Variants in MEAK7 observed in about 807,000 individuals in gnomAD.
MEAK7 encodes the protein MTOR-associated protein MEAK7.
In MEAK7, 68 loss-of-function variants were observed where a neutral mutation model predicts 40.5. The observed-to-expected ratio is 1.68, with a 90% CI of 1.38 to 2.06. MEAK7 has a LOEUF of 2.06. Ranked by LOEUF, MEAK7 falls within the 30% of genes most tolerant of loss-of-function variation. The pLI, the probability that MEAK7 is intolerant of heterozygous loss-of-function variation, is 0.00. For missense variants in MEAK7, 918 were observed against 580.5 expected (o/e 1.58, Z -5.98); for synonymous variants, 338 against 231.9 (o/e 1.46, Z -4.16).
At chr16:84,503,914 C>T (rs1395124189) in intron 1 of MEAK7, 2 of 984,724 alleles carry the variant, frequency 2.0e-6, no homozygotes, top group Admixed American at 1.2e-4. Context: ...CTCTCTACTC[C>T]AAGGGCCCCG....
chr16:84,498,870 T>G (rs1914271199), intron 1 of MEAK7, among the ~76,000 whole-genome samples: 1 of 152,210 alleles, frequency 6.6e-6, no homozygotes, highest in Non-Finnish European at 1.5e-5. Context: ...GGGAAGTTTT[T>G]CCTTTGTGAT....
At chr16:84,483,353 G>C (rs1454799238) in intron 5 of MEAK7, among the ~76,000 whole-genome samples, 1 of 152,264 alleles carries the variant, frequency 6.6e-6, no homozygotes, top group Admixed American at 6.5e-5. Context: ...ACTGGGGACA[G>C]GGCCGTAGGC....
At chr16:84,483,999 T>A (rs181150726) in intron 5 of MEAK7, among the ~76,000 whole-genome samples, 1 of 152,192 alleles carries the variant, frequency 6.6e-6, no homozygotes, top group Admixed American at 6.5e-5. Context: ...AGGGCAGGTT[T>A]AGACGCCGCC....
intron 5 of MEAK7, 199 bp downstream of exon 5, chr16:84,486,432 T>G: frequency 5.9e-6 from 8 of 1,359,872 alleles, no homozygotes; most frequent in Non-Finnish European, 7.5e-6. Context: ...AAACTGGGGG[T>G]CACACGGCCT....
chr16:84,490,682 G>GTGTGTA (rs2150635969), intron 3 of MEAK7, among the ~76,000 whole-genome samples: 1 of 150,800 alleles, frequency 6.6e-6, no homozygotes, highest in Non-Finnish European at 1.5e-5. Context: ...GTGTGTGTGT[G>GTGTGTA]TGTGTGTGTG....
In MEAK7 at chr16:84,477,366, T is replaced by G. The variant is rs1196975422; in HGVS notation, c.*2547A>C. 1 of 152,142 alleles carries G rather than the reference T, an allele frequency of 6.6e-6. No individual in the cohort carries two copies. Among genetic ancestry groups the G allele is most frequent in the Non-Finnish European group, 1.5e-5 (1 of 68,058 alleles). 9.4% of individuals were successfully genotyped at this position (152,142 alleles called of 1,614,324 possible). ...GCCACCATGCCCAGCTAATTTTGTA[T>G]TTTTAGTAGAGATGGGGTTTCTCCA... On this transcript the variant is annotated 3_prime_UTR_variant, in exon 8 of 8. Transcript: ENST00000343629.
chr16:84,497,807 G>T, intron 2 of MEAK7, 127 bp downstream of exon 2: 1 of 1,456,682 alleles, frequency 6.9e-7, no homozygotes, highest in Non-Finnish European at 9.5e-7. Flanking sequence ...GCCCTTTACA[G>T]AAAACCAACT....
At chr16:84,484,596 A>C (rs1034224791) in intron 5 of MEAK7, among the ~76,000 whole-genome samples, 1 of 152,228 alleles carries the variant, frequency 6.6e-6, no homozygotes, top group African/African-American at 2.4e-5. Context: ...CAGTCCTTTA[A>C]AAAGGTTTAC....
At chr16:84,482,864 T>C (rs564944705) in intron 5 of MEAK7, among the ~76,000 whole-genome samples, 154 bp from the exon 6 acceptor site, 5 of 152,172 alleles carry the variant, frequency 3.3e-5, no homozygotes, top group African/African-American at 4.8e-5. Context: ...TGGGACAAGC[T>C]GCTAGGGACC....
intron 4 of MEAK7, 121 bp from the exon 5 acceptor site, chr16:84,487,180 A>C: frequency 1.1e-6 from 1 of 935,348 alleles, no homozygotes; most frequent in Non-Finnish European, 1.5e-6. Flanking sequence ...CACAGAAAAC[A>C]GGGCTCGTGT....
At position 84,476,379 on chromosome 16, in the gene MEAK7, TAC is replaced by T. The variant is rs1192801156; in HGVS notation, c.*3532_*3533del. The T allele has an allele frequency of 1.7e-4, 26 of 152,312 alleles. No homozygotes were observed. The highest frequency in any genetic ancestry group is 1.5e-3 in the Admixed American group (23 of 15,296). The allele number at this position is 152,312 out of a possible 1,614,324, so 9.4% of individuals were successfully genotyped here. A position where few individuals can be genotyped will look rare whatever the true frequency, so the allele number is the denominator to read the frequency against. On this transcript the variant is annotated 3_prime_UTR_variant, in exon 8 of 8. Transcript: ENST00000343629. The stretch of plus-strand genomic sequence containing the variant: ...ATCAGGTTAAAAAAACATATTTTAA[TAC>T]AGTTTTGCTGAAAACATGGCAAACA...
intron 1 of MEAK7, among the ~76,000 whole-genome samples, chr16:84,499,027 G>C (rs1320550294): frequency 6.6e-6 from 1 of 152,188 alleles, no homozygotes; most frequent in Admixed American, 6.5e-5. Context: ...CCAAAGCAAA[G>C]GGCCAAGACC....
At chr16:84,498,917 C>T (rs1280752568) in intron 1 of MEAK7, among the ~76,000 whole-genome samples, 1 of 151,718 alleles carries the variant, frequency 6.6e-6, no homozygotes, top group Non-Finnish European at 1.5e-5. Context: ...TAGTCTTGGG[C>T]AAGCTACTAA....
chr16:84,481,214 T>C (rs1912511403), intron 6 of MEAK7, among the ~76,000 whole-genome samples: 1 of 152,202 alleles, frequency 6.6e-6, no homozygotes, highest in African/African-American at 2.4e-5. Context: ...CGGAGGCGGA[T>C]GCGAACCCCT....
intron 3 of MEAK7, among the ~76,000 whole-genome samples, chr16:84,490,078 T>C (rs1848599491): frequency 6.6e-6 from 1 of 152,188 alleles, no homozygotes; most frequent in Admixed American, 6.5e-5. Context: ...TCCTTACCAT[T>C]AGAGCACTCA....
rs561935296 is a variant in MEAK7 at position 84,479,888 on chromosome 16, G to C, written c.*25C>G. The C allele has an allele frequency of 1.3e-6, 2 of 1,560,708 alleles. No individual in the cohort carries two copies. The highest frequency in any genetic ancestry group is 1.7e-6 in the Non-Finnish European group (2 of 1,144,944). On this transcript the variant is annotated 3_prime_UTR_variant, in exon 8 of 8. Transcript: ENST00000343629. ...TCTACCCAGAGGAATCCAGGTCCTG[G>C]CTCCAGGAAGGCTCAGGCGGCTCCT...
intron 6 of MEAK7, among the ~76,000 whole-genome samples, chr16:84,481,324 C>T (rs555353090): frequency 5.9e-5 from 9 of 152,092 alleles, no homozygotes; most frequent in Admixed American, 2.0e-4. Context: ...ACACCTGGCA[C>T]GCCCTAGTTC....
In MEAK7 at chr16:84,501,224, G is replaced by T. The variant is rs1305842804; in HGVS notation, c.-25-3113C>A. Among the ~76,000 whole-genome samples, 5 of 152,044 alleles carry T rather than the reference G, an allele frequency of 3.3e-5. No homozygotes were observed. In the East Asian group the frequency reaches 9.7e-4, roughly 29 times the overall value. On this transcript the variant is annotated intron_variant, in intron 1 of 7. Transcript: ENST00000343629. ...AGGTCCCAAAGGTCACATTCCAGCT[G>T]AGTCTTCAGAGACTCACAGGTGATT...
intron 1 of MEAK7, among the ~76,000 whole-genome samples, chr16:84,503,313 G>A (rs1196515594): frequency 6.6e-6 from 1 of 152,204 alleles, no homozygotes; most frequent in Non-Finnish European, 1.5e-5. Context: ...CTTGCCCTAG[G>A]TGATGTCTGA....
Sources: gnomAD v4.1 joint callset for allele counts (sites outside exome capture counted in the v4.1 genomes callset) on GRCh38, gnomAD v4.1.1 for gene constraint, MANE v1.5 for transcripts, NCBI Gene and HGNC (gene_info 2026-07-23, HGNC 2026-07-21) for gene names.